FOXN4: variants seen among roughly 807,000 people sequenced by gnomAD.
FOXN4 encodes the protein forkhead box N4, also known as forkhead box protein N4.
FOXN4 carries 12 observed loss-of-function variants against 45.0 expected under a neutral mutation model. The ratio of observed to expected loss-of-function variants is 0.27; its 90% confidence interval spans 0.17 to 0.43. The LOEUF (loss-of-function observed/expected upper bound fraction) is 0.43. Ranked by LOEUF, FOXN4 falls within the 20% of genes least tolerant of loss-of-function variation. FOXN4 has a pLI of 1.00. For missense variants in FOXN4, 560 were observed against 694.9 expected (o/e 0.81, Z 2.18); for synonymous variants, 297 against 295.0 (o/e 1.01, Z -0.07).
intron 2 of FOXN4, among the ~76,000 whole-genome samples, chr12:109,306,933 G>A (rs1028006603): frequency 9.2e-5 from 14 of 152,222 alleles, no homozygotes; most frequent in African/African-American, 3.1e-4. Flanking sequence ...GATCTTGGGA[G>A]AAGCCATTTC....
intron 9 of FOXN4, 30 bp downstream of exon 9, chr12:109,281,377 A>C: frequency 6.2e-7 from 1 of 1,609,872 alleles, no homozygotes; most frequent in Non-Finnish European, 8.5e-7. Context: ...TCCCCATTCC[A>C]TTCCCATCAC....
At chr12:109,293,644 C>A (rs1027532268) in intron 2 of FOXN4, among the ~76,000 whole-genome samples, 3 of 152,176 alleles carry the variant, frequency 2.0e-5, no homozygotes, top group Admixed American at 2.0e-4. Context: ...AGTACAGGCA[C>A]GCGCCACCAC....
At chr12:109,297,576 C>G (rs142038633) in intron 2 of FOXN4, among the ~76,000 whole-genome samples, 2,300 of 152,290 alleles carry the variant, frequency 0.015, 17 homozygotes, top group Non-Finnish European at 0.025. Context: ...GACCTCAAGT[C>G]ATCCACCCAC....
rs1016891059 is a variant in FOXN4 at position 109,291,786 on chromosome 12, G to A, written c.87-1500C>T. Among the ~76,000 whole-genome samples, 3 of 152,012 alleles carry A rather than the reference G, an allele frequency of 2.0e-5. No individual in the cohort carries two copies. The highest frequency in any genetic ancestry group is 2.4e-5 in the African/African-American group (1 of 41,404). ...CTGGAAACGATTTGAAAACGCGGCC[G>A]GCCGGCCGTGTCAGTGGCAGCAGTT... On this transcript the variant is annotated intron_variant, in intron 2 of 9. Transcript: ENST00000299162. This position sits in a 1 kb window ranked among gnomAD's most constrained non-coding sequence, Gnocchi z 6.6.
At position 109,290,164 on chromosome 12, in the gene FOXN4, G is replaced by A. The variant is rs578261991; in HGVS notation, c.209C>T (p.Pro70Leu). The A allele has an allele frequency of 1.3e-6, 2 of 1,550,566 alleles. No individual in the cohort carries two copies. The highest frequency in any genetic ancestry group is 1.4e-5 in the African/African-American group (1 of 73,118). ...ACCTGGGTGTGGATGTGGCACGCAG[G>A]GGCCACCCAGGTCCACGCGGCCACT... ...MASGRVDLGG[P>L]CVPHPHPGAL... Residue 70 changes from proline (P) to leucine (L), a missense_variant, in exon 3 of 10, where the codon CCC becomes CTC. Transcript: ENST00000299162. This position sits in a 1 kb window ranked among gnomAD's most constrained non-coding sequence, Gnocchi z 5.1.
rs2047753510 is a variant in FOXN4, at chr12:109,290,172, C to CA, written c.200dup (p.Gly69TrpfsTer233). The CA allele has an allele frequency of 6.4e-7, 1 of 1,551,116 alleles. No homozygotes were observed. The highest frequency in any genetic ancestry group is 8.7e-7 in the Non-Finnish European group (1 of 1,146,746). On this transcript the variant is annotated frameshift_variant, in exon 3 of 10. Coordinates refer to ENST00000299162, the MANE Select transcript of FOXN4 (RefSeq NM_213596.3). LOFTEE classifies it high-confidence loss of function. The surrounding 1 kb of genome is among the most constrained non-coding windows in gnomAD (Gnocchi z 5.1). Reference sequence around the variant, plus strand: ...GTGGATGTGGCACGCAGGGGCCACCCAGGTCCACGCGGCCACTTGCCATCT... The same window carrying CA: ...GTGGATGTGGCACGCAGGGGCCACCCAAGGTCCACGCGGCCACTTGCCATCT...
At position 109,290,039 on chromosome 12, in the gene FOXN4, T is replaced by C. The variant is rs1438425153; in HGVS notation, c.232+102A>G. 13 of 1,351,204 alleles carry C rather than the reference T, an allele frequency of 9.6e-6. No individual in the cohort carries two copies. In the East Asian group the frequency reaches 2.2e-4, roughly 22 times the overall value. The allele number at this position is 1,351,204 out of a possible 1,614,324, so 83.7% of individuals were successfully genotyped here. A position where few individuals can be genotyped will look rare whatever the true frequency, so the allele number is the denominator to read the frequency against. On this transcript the variant is annotated intron_variant, in intron 3 of 9. Transcript: ENST00000299162. This position sits in a 1 kb window ranked among gnomAD's most constrained non-coding sequence, Gnocchi z 5.1. Reference sequence around the variant, plus strand: ...TGCAGAAAGAGAGGCCCAGAGAGACTGGGAGACCGGGTCATGGCTGCACAG... The same window carrying C: ...TGCAGAAAGAGAGGCCCAGAGAGACCGGGAGACCGGGTCATGGCTGCACAG...
At position 109,287,258 on chromosome 12, in the gene FOXN4, T is replaced by G. The variant is rs1382146273; in HGVS notation, c.596+139A>C. ...CGCCTTCCTGAGAACAAGTCCCACC[T>G]GGGGGTTCCCCACTCCCCAAAACCT... is the stretch of plus-strand genomic sequence containing the variant. On this transcript the variant is annotated intron_variant, in intron 6 of 9. Coordinates refer to ENST00000299162, the MANE Select transcript of FOXN4 (RefSeq NM_213596.3). The surrounding 1 kb of genome is among the most constrained non-coding windows in gnomAD (Gnocchi z 4.1). The G allele has an allele frequency of 3.3e-6, 4 of 1,199,420 alleles. No homozygotes were observed. Among genetic ancestry groups the G allele is most frequent in the Non-Finnish European group, 4.6e-6 (4 of 863,262 alleles). The allele number at this position is 1,199,420 out of a possible 1,614,324, so 74.3% of individuals were successfully genotyped here.
intron 2 of FOXN4, among the ~76,000 whole-genome samples, chr12:109,294,231 A>G (rs1025612931): frequency 2.6e-5 from 4 of 152,164 alleles, no homozygotes; most frequent in African/African-American, 9.7e-5. Context: ...CTCTGGGGGA[A>G]GGACAGCCCA....
intron 2 of FOXN4, among the ~76,000 whole-genome samples, chr12:109,299,409 C>T (rs1048263051): frequency 1.3e-5 from 2 of 152,160 alleles, no homozygotes; most frequent in African/African-American, 2.4e-5. Context: ...ACAACACACA[C>T]GTGCATGTAA....
At chr12:109,285,274 T>TGTGTGTGA in intron 8 of FOXN4, 30 bp downstream of exon 8, 2 of 1,539,388 alleles carry the variant, frequency 1.3e-6, no homozygotes, top group Non-Finnish European at 1.8e-6. Context: ...TGTGTGTGTG[T>TGTGTGTGA]GCGCGCACTG....
chr12:109,296,694 C>G (rs1184196125), intron 2 of FOXN4, among the ~76,000 whole-genome samples: 2 of 152,154 alleles, frequency 1.3e-5, no homozygotes, highest in African/African-American at 4.8e-5. Flanking sequence ...ACCCTCATGC[C>G]CCCAGGGGAG....
At chr12:109,286,603 G>C in intron 7 of FOXN4, 45 bp downstream of exon 7, 1 of 1,560,394 alleles carries the variant, frequency 6.4e-7, no homozygotes, top group Non-Finnish European at 8.7e-7. Context: ...GCACCAGGAA[G>C]AGACCAGGGC....
chr12:109,294,695 T>G (rs373620812), intron 2 of FOXN4, among the ~76,000 whole-genome samples: 9 of 152,186 alleles, frequency 5.9e-5, no homozygotes, highest in African/African-American at 1.9e-4. Context: ...CATTCAGGCA[T>G]GTCTTCTGCA....
intron 2 of FOXN4, among the ~76,000 whole-genome samples, chr12:109,297,900 G>A (rs2047832255): frequency 6.6e-6 from 1 of 152,204 alleles, no homozygotes. Context: ...CATCAGCCAC[G>A]TTTGAAGTGC....
chr12:109,307,782 C>A (rs1288542000), intron 2 of FOXN4, among the ~76,000 whole-genome samples: 1 of 152,206 alleles, frequency 6.6e-6, no homozygotes, highest in African/African-American at 2.4e-5. Flanking sequence ...AAAGGACTTG[C>A]TGAATGTCAC....
intron 8 of FOXN4, among the ~76,000 whole-genome samples, chr12:109,284,656 CCACGTGTGTGTGCGCA>C (rs2047686347): frequency 6.6e-6 from 1 of 151,020 alleles, no homozygotes; most frequent in African/African-American, 2.4e-5. Flanking sequence ...CCTTCCTCTT[CCACGTGTGTGTGCGCA>C]CATGTGTGTG....
intron 2 of FOXN4, among the ~76,000 whole-genome samples, chr12:109,304,282 A>G (rs1313762762): frequency 4.2e-4 from 31 of 73,130 alleles, no homozygotes; most frequent in African/African-American, 1.1e-3. Context: ...AAAGAAAGAA[A>G]GAAAGAAAGA....
At chr12:109,303,016 C>T (rs906475773) in intron 2 of FOXN4, among the ~76,000 whole-genome samples, 2 of 152,100 alleles carry the variant, frequency 1.3e-5, no homozygotes, top group Admixed American at 1.3e-4. Flanking sequence ...CCCAGCTTGG[C>T]CAAGGGTCAG....
Sources: allele counts gnomAD v4.1 joint callset (sites outside exome capture counted in the v4.1 genomes callset), GRCh38; gene constraint gnomAD v4.1.1; non-coding constraint Gnocchi (gnomAD v3.1); transcripts MANE v1.5; gene names NCBI Gene and HGNC (gene_info 2026-07-23, HGNC 2026-07-21).